Variants in ARMH3 observed in about 807,000 individuals in gnomAD.
ARMH3 encodes armadillo-like helical domain-containing protein 3.
A neutral mutation model predicts 99.1 loss-of-function variants in ARMH3; 60 were observed. The observed-to-expected ratio is 0.61, with a 90% CI of 0.49 to 0.75. The LOEUF (loss-of-function observed/expected upper bound fraction) is 0.75. Among genes scored for constraint, ARMH3 ranks in the 30% least tolerant of loss-of-function variants. ARMH3 has a pLI of 0.00. For synonymous variants in ARMH3, 285 were observed against 292.8 expected (o/e 0.97, Z 0.27); for missense variants, 679 against 843.1 (o/e 0.81, Z 2.41).
rs1403327958 is a variant in ARMH3 at position 101,847,332 on chromosome 10, C to T, written c.*196G>A. 2 of 559,590 alleles carry T rather than the reference C, an allele frequency of 3.6e-6. No individual in the cohort carries two copies. Among genetic ancestry groups the T allele is most frequent in the East Asian group, 6.2e-5 (2 of 32,168 alleles). The allele number at this position is 559,590 out of a possible 1,614,324, so 34.7% of individuals were successfully genotyped here. A position where few individuals can be genotyped will look rare whatever the true frequency, so the allele number is the denominator to read the frequency against. On this transcript the variant is annotated 3_prime_UTR_variant, in exon 26 of 26. Coordinates refer to ENST00000370033, the MANE Select transcript of ARMH3 (RefSeq NM_024541.3). The stretch of plus-strand genomic sequence containing the variant: ...TCCCCACTGTGCCCACCCATTCCTC[C>T]CCAAATAAGATTATCCCTGGCTTGA...
intron 24 of ARMH3, among the ~76,000 whole-genome samples, chr10:101,862,025 G>A (rs2066886362): frequency 7.0e-6 from 1 of 142,148 alleles, no homozygotes. Flanking sequence ...CTCCAGCCTG[G>A]GCGACAGAGC....
At chr10:101,968,965 T>C (rs763848917) in intron 20 of ARMH3, among the ~76,000 whole-genome samples, 5 of 152,160 alleles carry the variant, frequency 3.3e-5, no homozygotes, top group Non-Finnish European at 7.3e-5. Flanking sequence ...GGCTCTCTAT[T>C]TTTGCATATG....
At chr10:101,855,061 CTTTTT>C (rs36174325) in intron 24 of ARMH3, among the ~76,000 whole-genome samples, 1 of 9,790 alleles carries the variant, frequency 1.0e-4, no homozygotes, top group Non-Finnish European at 1.6e-4. Context: ...ACTGTCTATT[CTTTTT>C]TTTTTTTTTT....
chr10:101,847,634 G>A lies in ARMH3; in HGVS notation c.1978-14C>T. ...AATGGATCGAACCTGGGAAAGGGTA[G>A]TTGGGGAAGGTGGGAGGGCGCAGCC... On this transcript the variant is annotated splice_polypyrimidine_tract_variant and intron_variant, in intron 25 of 25. Coordinates refer to ENST00000370033, the MANE Select transcript of ARMH3 (RefSeq NM_024541.3). 1 of 1,613,192 alleles carries A rather than the reference G, an allele frequency of 6.2e-7. No homozygotes were observed. The highest frequency in any genetic ancestry group is 8.5e-7 in the Non-Finnish European group (1 of 1,179,112).
chr10:101,908,221 TTACAG>T (rs1842716177), intron 23 of ARMH3, among the ~76,000 whole-genome samples: 1 of 152,252 alleles, frequency 6.6e-6, no homozygotes, highest in Non-Finnish European at 1.5e-5. Flanking sequence ...TACTGCTGTA[TTACAG>T]TACATGTGTT....
At chr10:101,860,321 CA>C (rs1018431561) in intron 24 of ARMH3, among the ~76,000 whole-genome samples, 3 of 151,944 alleles carry the variant, frequency 2.0e-5, no homozygotes, top group African/African-American at 7.3e-5. Flanking sequence ...ATGTGAAATT[CA>C]AAAAATTCAG....
chr10:101,935,627 G>T (rs180727610), intron 23 of ARMH3, among the ~76,000 whole-genome samples: 2 of 152,208 alleles, frequency 1.3e-5, no homozygotes, highest in African/African-American at 4.8e-5. Context: ...ATTGTCAACT[G>T]GCAAACTAGT....
chr10:101,887,102 C>T lies in ARMH3; in HGVS notation c.1860+2310G>A, dbSNP rs187538493. On this transcript the variant is annotated intron_variant, in intron 24 of 25. Transcript: ENST00000370033. ...CAACACATGCTGGAGATTAACAAGG[C>T]AGTCAAATACCTCTAATCTGATAGT... Among the ~76,000 whole-genome samples, 3 of 152,266 alleles carry T rather than the reference C, an allele frequency of 2.0e-5. No homozygotes were observed. In the East Asian group the frequency reaches 5.8e-4, roughly 29 times the overall value.
At chr10:102,043,436 A>G (rs1182883470) in intron 1 of ARMH3, among the ~76,000 whole-genome samples, 4 of 152,246 alleles carry the variant, frequency 2.6e-5, no homozygotes, top group African/African-American at 4.8e-5. Flanking sequence ...TAGGCACTAT[A>G]GGATTAAAGA....
chr10:102,009,423 A>C lies in ARMH3; in HGVS notation c.905T>G (p.Leu302Arg). 2.5e-6 allele frequency: 4 copies of C among 1,614,184 alleles called. No individual in the cohort carries two copies. The highest frequency in any genetic ancestry group is 3.4e-6 in the Non-Finnish European group (4 of 1,180,022). ...VQTNEAILLALYEAVHLNRNF... is the reference protein window; with the variant it reads ...VQTNEAILLARYEAVHLNRNF... ...GCGATTTAAATGAACAGCTTCATAA[A>C]GTGCCAGAAGAATGGCCTCATTGGT... Residue 302 changes from leucine (L) to arginine (R), a missense_variant, in exon 13 of 26, where the codon CTT becomes CGT. Physicochemically the swap from Leu to Arg is moderately radical, Grantham distance 102 (BLOSUM62 -2). Around this residue, in one of 3 missense-constraint regions of ARMH3, gnomAD observed 10 missense variants for 32.0 expected, o/e 0.31. Coordinates refer to ENST00000370033, the MANE Select transcript of ARMH3 (RefSeq NM_024541.3).
chr10:101,905,635 G>A (rs756222572), intron 23 of ARMH3, among the ~76,000 whole-genome samples: 1 of 152,126 alleles, frequency 6.6e-6, no homozygotes, highest in Non-Finnish European at 1.5e-5. Context: ...AGTCTAATTG[G>A]GACAGATCTT....
At chr10:102,050,400 A>T (rs1412612730) in intron 1 of ARMH3, among the ~76,000 whole-genome samples, 1 of 152,092 alleles carries the variant, frequency 6.6e-6, no homozygotes, top group Non-Finnish European at 1.5e-5. Flanking sequence ...GTAAGCCGAG[A>T]TCGCGCCACT....
At chr10:101,866,131 G>C (rs1411476629) in intron 24 of ARMH3, among the ~76,000 whole-genome samples, 1 of 151,700 alleles carries the variant, frequency 6.6e-6, no homozygotes, top group African/African-American at 2.4e-5. Flanking sequence ...TGAGGCAGGA[G>C]AATCACTTGA....
chr10:101,947,836 T>C (rs565996472), intron 22 of ARMH3, among the ~76,000 whole-genome samples: 44 of 150,754 alleles, frequency 2.9e-4, no homozygotes, highest in African/African-American at 7.8e-4. Context: ...AATAAATAAA[T>C]AGACCCTATA....
intron 1 of ARMH3, 139 bp from the exon 2 acceptor site, chr10:102,040,264 G>T: frequency 1.4e-6 from 1 of 701,174 alleles, no homozygotes; most frequent in East Asian, 2.6e-5. Context: ...TGTGGACTTT[G>T]GGTGGTAACA....
chr10:101,928,608 G>T (rs529665383), intron 23 of ARMH3, among the ~76,000 whole-genome samples: 1 of 152,164 alleles, frequency 6.6e-6, no homozygotes, highest in Non-Finnish European at 1.5e-5. Flanking sequence ...GTTTGAGGCC[G>T]CAATGAGCTA....
In ARMH3 at chr10:101,909,463, C is replaced by CTTTTTT. The variant is rs61122631; in HGVS notation, c.1782-19979_1782-19974dup. Among the ~76,000 whole-genome samples, 30 of 71,730 alleles carry CTTTTTT rather than the reference C, an allele frequency of 4.2e-4. 1 individual carries two copies. Among genetic ancestry groups the CTTTTTT allele is most frequent in the South Asian group, 1.2e-3 (2 of 1,634 alleles). 47.1% of individuals were successfully genotyped at this position (71,730 alleles called of 152,430 possible). A position where few individuals can be genotyped will look rare whatever the true frequency, so the allele number is the denominator to read the frequency against. On this transcript the variant is annotated intron_variant, in intron 23 of 25. Transcript: ENST00000370033. ...GAGGAAGGTATGTTGCAAGCTTCCTCTTTTTTTTTTTTTTTTTTTTTTTTG... is the reference window on the plus strand; with the variant it reads ...GAGGAAGGTATGTTGCAAGCTTCCTCTTTTTTTTTTTTTTTTTTTTTTTTTTTTTTG...
At position 101,993,442 on chromosome 10, in the gene ARMH3, C is replaced by A. The variant is rs573562130; in HGVS notation, c.1275+96G>T. 2.3e-3 allele frequency: 2,007 copies of A among 887,444 alleles called. 6 individuals carry two copies. The highest frequency in any genetic ancestry group is 2.2e-3 in the Non-Finnish European group (1,275 of 575,666). 55.0% of individuals were successfully genotyped at this position (887,444 alleles called of 1,614,324 possible). A position where few individuals can be genotyped will look rare whatever the true frequency, so the allele number is the denominator to read the frequency against. ...CAAAGCCCTTTGGCACAACTTTCCA[C>A]CCACATTTGTTCTAGTAAGATCAAT... is the stretch of plus-strand genomic sequence containing the variant. On this transcript the variant is annotated intron_variant, in intron 17 of 25. Transcript: ENST00000370033.
At chr10:101,921,693 A>C (rs1843312570) in intron 23 of ARMH3, among the ~76,000 whole-genome samples, 2 of 152,188 alleles carry the variant, frequency 1.3e-5, no homozygotes, top group African/African-American at 4.8e-5. Flanking sequence ...ACACAGATGG[A>C]AAAGGAGGTC....
Sources: allele counts gnomAD v4.1 joint callset (sites outside exome capture counted in the v4.1 genomes callset), GRCh38; gene constraint gnomAD v4.1.1; regional missense constraint gnomAD v4.1.1; transcripts MANE v1.5; gene names NCBI Gene and HGNC (gene_info 2026-07-23, HGNC 2026-07-21).